Variants in TMPRSS15 observed in about 807,000 individuals in gnomAD.
TMPRSS15 encodes the protein transmembrane serine protease 15, also known as enteropeptidase.
Under a neutral mutation model 125.3 loss-of-function variants are expected in TMPRSS15, and 128 were observed. The ratio of observed to expected loss-of-function variants is 1.02; its 90% CI spans 0.89 to 1.18. The LOEUF is 1.18. TMPRSS15 is among the 50% of genes most tolerant of loss of function. The pLI is 0.00. For synonymous variants in TMPRSS15, 446 were observed against 423.2 expected (o/e 1.05, Z -0.66); for missense variants, 1,283 against 1,212.7 (o/e 1.06, Z -0.86).
At chr21:18,411,339 C>G (rs2076165457) in intron 1 of TMPRSS15, among the ~76,000 whole-genome samples, 1 of 146,236 alleles carries the variant, frequency 6.8e-6, no homozygotes, top group Admixed American at 6.9e-5. Context: ...TTTGTTAAAA[C>G]TTTTTTTTTT....
chr21:18,357,398 T>C (rs1240410839), intron 8 of TMPRSS15, among the ~76,000 whole-genome samples: 1 of 151,738 alleles, frequency 6.6e-6, no homozygotes. Context: ...ATTAAAATGA[T>C]GGAAAAAAAT....
chr21:18,382,507 A>G (rs189737094), intron 4 of TMPRSS15, among the ~76,000 whole-genome samples: 1 of 149,806 alleles, frequency 6.7e-6, no homozygotes, highest in African/African-American at 2.5e-5. Flanking sequence ...GAGATCTACA[A>G]TCTCATATCT....
intron 9 of TMPRSS15, among the ~76,000 whole-genome samples, chr21:18,353,378 T>A (rs1011951362): frequency 6.6e-6 from 1 of 151,878 alleles, no homozygotes; most frequent in African/African-American, 2.4e-5. Context: ...TCTCTCCTGT[T>A]ACTAAATTTA....
At chr21:18,343,450 AT>A (rs2075469846) in intron 12 of TMPRSS15, 55 bp downstream of exon 12, 1 of 1,455,824 alleles carries the variant, frequency 6.9e-7, no homozygotes, top group Non-Finnish European at 9.5e-7. Context: ...CATTCTAAAT[AT>A]AATTGTTCCA....
chr21:18,480,282 G>A (rs1978958810), intron 1 of TMPRSS15, among the ~76,000 whole-genome samples: 1 of 151,860 alleles, frequency 6.6e-6, no homozygotes, highest in Non-Finnish European at 1.5e-5. Flanking sequence ...CTCACCCTGG[G>A]AAAACTTTTA....
chr21:18,283,612 GATC>G (rs1568981558), intron 21 of TMPRSS15, among the ~76,000 whole-genome samples: 1 of 151,662 alleles, frequency 6.6e-6, no homozygotes. Flanking sequence ...CAGTGTATGA[GATC>G]ATTATATATA....
rs140227163 is a variant in TMPRSS15, at chr21:18,282,594, G to A, written c.2487-1373C>T. On this transcript the variant is annotated intron_variant, in intron 21 of 24. Transcript: ENST00000284885. ...ATCAGTAAAGCCAGTGAGCGTCCAA[G>A]CATTCAGTAAAGCATCCACTGACAA... is the stretch of plus-strand genomic sequence containing the variant. Among the ~76,000 whole-genome samples, 579 of 152,278 alleles carry A rather than the reference G, an allele frequency of 3.8e-3. 6 individuals carry two copies. The highest frequency in any genetic ancestry group is 0.01 in the Middle Eastern group (3 of 294).
chr21:18,305,729 C>G (rs1027665595), intron 18 of TMPRSS15, among the ~76,000 whole-genome samples: 1 of 152,204 alleles, frequency 6.6e-6, no homozygotes, highest in African/African-American at 2.4e-5. Flanking sequence ...TATCTTATCA[C>G]TGTGCCTTCC....
chr21:18,301,743 T>C (rs971719752), intron 18 of TMPRSS15, among the ~76,000 whole-genome samples: 4 of 152,210 alleles, frequency 2.6e-5, no homozygotes, highest in African/African-American at 4.8e-5. Context: ...AAACTCCATA[T>C]AGCATTACCT....
intron 23 of TMPRSS15, 62 bp from the exon 24 acceptor site, chr21:18,275,398 A>G: frequency 6.3e-7 from 1 of 1,589,540 alleles, no homozygotes; most frequent in South Asian, 1.1e-5. Flanking sequence ...CCTTGAATGA[A>G]CTACCATCAG....
intron 1 of TMPRSS15, among the ~76,000 whole-genome samples, chr21:18,445,559 G>T (rs972357044): frequency 1.3e-5 from 2 of 152,008 alleles, no homozygotes; most frequent in African/African-American, 4.8e-5. Flanking sequence ...CATGAATATT[G>T]CTGCAAAATA....
At chr21:18,457,039 A>G (rs567620132) in intron 1 of TMPRSS15, among the ~76,000 whole-genome samples, 1 of 152,194 alleles carries the variant, frequency 6.6e-6, no homozygotes, top group Non-Finnish European at 1.5e-5. Flanking sequence ...AGACATTTGA[A>G]TTTGTTCTTT....
intron 7 of TMPRSS15, among the ~76,000 whole-genome samples, chr21:18,363,678 A>T (rs1248623797): frequency 6.6e-6 from 1 of 152,116 alleles, no homozygotes; most frequent in Non-Finnish European, 1.5e-5. Context: ...ATGCTAATAG[A>T]CATTTATAAA....
chr21:18,324,543 T>C (rs1158433580), intron 16 of TMPRSS15, among the ~76,000 whole-genome samples: 1 of 152,188 alleles, frequency 6.6e-6, no homozygotes, highest in African/African-American at 2.4e-5. Context: ...GAGACTTTAT[T>C]GTAACGTCAC....
intron 16 of TMPRSS15, among the ~76,000 whole-genome samples, chr21:18,322,059 G>T (rs2075244273): frequency 6.6e-6 from 1 of 152,082 alleles, no homozygotes; most frequent in African/African-American, 2.4e-5. Flanking sequence ...GAAATCTAAA[G>T]AATCTATACA....
chr21:18,395,096 A>C (rs1341114725), intron 3 of TMPRSS15, among the ~76,000 whole-genome samples: 1 of 152,202 alleles, frequency 6.6e-6, no homozygotes, highest in East Asian at 1.9e-4. Context: ...GAACAAGGAA[A>C]ACTAAAGGTG....
chr21:18,432,767 T>C (rs529141647), intron 1 of TMPRSS15, among the ~76,000 whole-genome samples: 1 of 152,274 alleles, frequency 6.6e-6, no homozygotes, highest in East Asian at 1.9e-4. Flanking sequence ...AAATTTCTGT[T>C]GTTTAAAGCC....
intron 14 of TMPRSS15, among the ~76,000 whole-genome samples, chr21:18,329,655 C>T (rs953372540): frequency 1.3e-5 from 2 of 150,692 alleles, no homozygotes; most frequent in Non-Finnish European, 3.0e-5. Flanking sequence ...TTTAATTTTC[C>T]ATGATCAAAT....
chr21:18,403,458 G>T lies in TMPRSS15; in HGVS notation c.145+20C>A, dbSNP rs777519620. 2.5e-5 allele frequency: 40 copies of T among 1,613,944 alleles called. No individual in the cohort carries two copies. The highest frequency in any genetic ancestry group is 1.5e-4 in the Admixed American group (9 of 59,998). On this transcript the variant is annotated intron_variant, in intron 1 of 24. Transcript: ENST00000284885. Reference sequence around the variant, plus strand: ...CATTCAGCTGAGAGCACCTTCACGAGCCAACTCCATGTGACTTACCTCGTT... The same window carrying T: ...CATTCAGCTGAGAGCACCTTCACGATCCAACTCCATGTGACTTACCTCGTT...
Sources: allele counts gnomAD v4.1 joint callset (sites outside exome capture counted in the v4.1 genomes callset), GRCh38; gene constraint gnomAD v4.1.1; transcripts MANE v1.5; gene names NCBI Gene and HGNC (gene_info 2026-07-23, HGNC 2026-07-21).